RND3: variants seen among roughly 807,000 people sequenced by gnomAD.
The protein encoded by RND3 is rho-related GTP-binding protein RhoE.
Under a neutral mutation model 26.5 loss-of-function variants are expected in RND3, and 8 were observed. The ratio of observed to expected loss-of-function variants is 0.30; its 90% CI spans 0.18 to 0.54. The LOEUF is 0.54. RND3 is among the 20% of genes least tolerant of loss of function. RND3 has a pLI of 0.94. For synonymous variants in RND3, 113 were observed against 113.0 expected, an observed-to-expected ratio of 1.00 and a Z score of 0.00; for missense variants, 207 against 302.8, an observed-to-expected ratio of 0.68 and a Z score of 2.35.
intron 4 of RND3, among the ~76,000 whole-genome samples, chr2:150,474,394 T>C (rs551668256): frequency 2.6e-5 from 4 of 152,332 alleles, no homozygotes; most frequent in Non-Finnish European, 4.4e-5. Flanking sequence ...ACAATTCACA[T>C]TGGACACATC....
intron 5 of RND3, among the ~76,000 whole-genome samples, chr2:150,471,375 C>T (rs1686086135): frequency 6.6e-6 from 1 of 152,186 alleles, no homozygotes; most frequent in South Asian, 2.1e-4. Flanking sequence ...ATTTTGACCA[C>T]ATTCTCTCTT....
intron 4 of RND3, among the ~76,000 whole-genome samples, chr2:150,473,938 T>C (rs1320897552): frequency 6.6e-6 from 1 of 152,206 alleles, no homozygotes; most frequent in Non-Finnish European, 1.5e-5. Flanking sequence ...ACTGCCTTGC[T>C]CTCAGCCACA....
Position 150,468,304 on chromosome 2 carries a change from A to T in RND3, c.*1683T>A, listed in dbSNP as rs886820033. ...ACATACACAGTGACTTCAACAGTTT[A>T]AAAAATGCAACAAAAGTTCTGCTTT... On this transcript the variant is annotated 3_prime_UTR_variant, in exon 6 of 6. Coordinates refer to ENST00000263895, the MANE Select transcript of RND3 (RefSeq NM_005168.5). 6.6e-6 allele frequency: 1 copy of T among 152,650 alleles called. No individual in the cohort carries two copies. Among genetic ancestry groups the T allele is most frequent in the African/African-American group, 2.4e-5 (1 of 41,458 alleles). 9.5% of individuals were successfully genotyped at this position (152,650 alleles called of 1,614,324 possible). A position where few individuals can be genotyped will look rare whatever the true frequency, so the allele number is the denominator to read the frequency against.
intron 3 of RND3, among the ~76,000 whole-genome samples, chr2:150,484,219 TA>T: frequency 6.6e-6 from 1 of 152,220 alleles, no homozygotes; most frequent in East Asian, 1.9e-4. Flanking sequence ...GGCATTGTGC[TA>T]TGTGTGCAGA....
intron 3 of RND3, among the ~76,000 whole-genome samples, chr2:150,481,208 G>C (rs982888605): frequency 6.6e-6 from 1 of 152,194 alleles, no homozygotes; most frequent in Admixed American, 6.5e-5. Flanking sequence ...ATGAGTTAGG[G>C]AGCCTGGGCT....
chr2:150,486,779 A>C lies in RND3; in HGVS notation c.153T>G (p.Asn51Lys), dbSNP rs1251228402. The part of the protein sequence containing the change: ...HVFAKDCFPE[N>K]YVPTVFENYT... Reference sequence around the variant, plus strand: ...AATTCTCAAACACTGTAGGAACGTAATTCTGGATAGACAAAATGGGCAAAA... The same window carrying C: ...AATTCTCAAACACTGTAGGAACGTACTTCTGGATAGACAAAATGGGCAAAA... The change falls in exon 3 of 6, where the codon AAT becomes AAG. Residue 51 changes from asparagine (N) to lysine (K), a missense_variant and splice_region_variant. Coordinates refer to ENST00000263895, the MANE Select transcript of RND3 (RefSeq NM_005168.5). The surrounding 1 kb of genome is among the most constrained non-coding windows in gnomAD (Gnocchi z 4.5). 1 of 1,609,866 alleles carries C rather than the reference A, an allele frequency of 6.2e-7. No individual in the cohort carries two copies.
rs1302952449 is a variant in RND3, at chr2:150,469,882, T to TG, written c.*104dup. 9.0e-6 allele frequency: 12 copies of TG among 1,333,506 alleles called. No homozygotes were observed. The highest frequency in any genetic ancestry group is 1.2e-5 in the Non-Finnish European group (12 of 967,706). The allele number at this position is 1,333,506 out of a possible 1,614,324, so 82.6% of individuals were successfully genotyped here. On this transcript the variant is annotated 3_prime_UTR_variant, in exon 6 of 6. Transcript: ENST00000263895. ...TCCTCTCAAACGCCTCCTAAGCCTC[T>TG]GGTATACATGACTTTGGCTGTGCAC...
Position 150,470,240 on chromosome 2 carries a change from T to A in RND3, c.484-2A>T. 1 of 1,610,844 alleles carries A rather than the reference T, an allele frequency of 6.2e-7. No homozygotes were observed. The highest frequency in any genetic ancestry group is 8.5e-7 in the Non-Finnish European group (1 of 1,177,836). Reference sequence around the variant, plus strand: ...AATCTGTTTGGCCATATTTGCCCCCTGAGAAGCAAAAGAAGGGATTTTAAC... The same window carrying A: ...AATCTGTTTGGCCATATTTGCCCCCAGAGAAGCAAAAGAAGGGATTTTAAC... On this transcript the variant is annotated splice_acceptor_variant, in intron 5 of 5. Transcript: ENST00000263895. LOFTEE classifies it high-confidence loss of function.
At position 150,469,960 on chromosome 2, in the gene RND3, T is replaced by C. The variant is rs1479579928; in HGVS notation, c.*27A>G. 7.5e-6 allele frequency: 12 copies of C among 1,610,076 alleles called. No homozygotes were observed. The highest frequency in any genetic ancestry group is 1.0e-5 in the Non-Finnish European group (12 of 1,177,350). On this transcript the variant is annotated 3_prime_UTR_variant, in exon 6 of 6. Transcript: ENST00000263895. The stretch of plus-strand genomic sequence containing the variant: ...CTGTTGTTTTTTACACTAGATTCCT[T>C]TGTCTTCATTAAAGATAATGAAAGA...
chr2:150,476,490 C>T (rs1442069792), intron 3 of RND3, among the ~76,000 whole-genome samples: 2 of 152,240 alleles, frequency 1.3e-5, no homozygotes, highest in Admixed American at 6.5e-5. Context: ...CTTCAAGCCA[C>T]GTGTGTCTGC....
Position 150,486,564 on chromosome 2 carries a change from C to T in RND3, c.238+130G>A. 1.3e-6 allele frequency: 1 copy of T among 765,224 alleles called. No individual in the cohort carries two copies. The highest frequency in any genetic ancestry group is 1.4e-5 in the South Asian group (1 of 70,154). The allele number at this position is 765,224 out of a possible 1,614,324, so 47.4% of individuals were successfully genotyped here. On this transcript the variant is annotated intron_variant, in intron 3 of 5. Coordinates refer to ENST00000263895, the MANE Select transcript of RND3 (RefSeq NM_005168.5). The surrounding 1 kb of genome is among the most constrained non-coding windows in gnomAD (Gnocchi z 4.5). Reference sequence around the variant, plus strand: ...ACCCAGAAGGGATACAATTTTCGCCCAACAGGGACCGTGGGAATCCCTTGG... The same window carrying T: ...ACCCAGAAGGGATACAATTTTCGCCTAACAGGGACCGTGGGAATCCCTTGG...
intron 3 of RND3, among the ~76,000 whole-genome samples, chr2:150,481,459 TC>T (rs1686268455): frequency 6.6e-6 from 1 of 152,188 alleles, no homozygotes; most frequent in African/African-American, 2.4e-5. Context: ...TGACACTTAA[TC>T]CGGGCTTCTC....
At chr2:150,475,442 A>C (rs1226860595) in intron 3 of RND3, among the ~76,000 whole-genome samples, 2 of 152,198 alleles carry the variant, frequency 1.3e-5, no homozygotes, top group Non-Finnish European at 2.9e-5. Context: ...CCTGGCTTTT[A>C]GTAAGGGATC....
chr2:150,472,762 G>T (rs1686106379), intron 4 of RND3, among the ~76,000 whole-genome samples: 1 of 152,120 alleles, frequency 6.6e-6, no homozygotes, highest in Admixed American at 6.5e-5. Flanking sequence ...ACATAGCTGT[G>T]TCTTCTGGAA....
In RND3 at chr2:150,470,730, CA is replaced by C. The variant is rs1357590199; in HGVS notation, c.484-493del. On this transcript the variant is annotated intron_variant, in intron 5 of 5. Coordinates refer to ENST00000263895, the MANE Select transcript of RND3 (RefSeq NM_005168.5). ...CTGAAGGTCATGAACATAAACTCTGCATTTTCCACACAGCTCTGGCCGTGGC... is the reference window on the plus strand; with the variant it reads ...CTGAAGGTCATGAACATAAACTCTGCTTTTCCACACAGCTCTGGCCGTGGC... 2.0e-5 allele frequency among the ~76,000 whole-genome samples: 3 copies of C among 152,300 alleles called. No individual in the cohort carries two copies. In the East Asian group the frequency reaches 5.8e-4, roughly 29 times the overall value.
At chr2:150,478,349 A>G (rs1384159571) in intron 3 of RND3, among the ~76,000 whole-genome samples, 1 of 152,034 alleles carries the variant, frequency 6.6e-6, no homozygotes, top group Non-Finnish European at 1.5e-5. Flanking sequence ...TAAGGCAAGC[A>G]AAGCTGGAGA....
At position 150,468,348 on chromosome 2, in the gene RND3, T is replaced by C. The variant is rs1686025329; in HGVS notation, c.*1639A>G. ...CTGCTTTATAACAGTTATAACTTAT[T>C]TTCTTTTTACAATATTTAAATACAG... is the stretch of plus-strand genomic sequence containing the variant. On this transcript the variant is annotated 3_prime_UTR_variant, in exon 6 of 6. Transcript: ENST00000263895. 6.6e-6 allele frequency: 1 copy of C among 152,648 alleles called. No individual in the cohort carries two copies. Among genetic ancestry groups the C allele is most frequent in the African/African-American group, 2.4e-5 (1 of 41,466 alleles). The allele number at this position is 152,648 out of a possible 1,614,324, so 9.5% of individuals were successfully genotyped here. A position where few individuals can be genotyped will look rare whatever the true frequency, so the allele number is the denominator to read the frequency against.
intron 3 of RND3, among the ~76,000 whole-genome samples, chr2:150,485,941 G>A (rs1262786522): frequency 6.6e-6 from 1 of 152,040 alleles, no homozygotes; most frequent in Non-Finnish European, 1.5e-5. Flanking sequence ...GAATAGTGTT[G>A]CCCGCGGCCT....
chr2:150,486,980 A>C lies in RND3; in HGVS notation c.151-199T>G, dbSNP rs1686382881. 1 of 621,804 alleles carries C rather than the reference A, an allele frequency of 1.6e-6. No individual in the cohort carries two copies. Among genetic ancestry groups the C allele is most frequent in the Non-Finnish European group, 2.9e-6 (1 of 347,594 alleles). The allele number at this position is 621,804 out of a possible 1,614,324, so 38.5% of individuals were successfully genotyped here. A position where few individuals can be genotyped will look rare whatever the true frequency, so the allele number is the denominator to read the frequency against. ...TCCCCACTCACCCCACCCGGCTCTC[A>C]CAGATCTGCTGACCCGAATCTCCCA... On this transcript the variant is annotated intron_variant, in intron 2 of 5. Transcript: ENST00000263895. This position sits in a 1 kb window ranked among gnomAD's most constrained non-coding sequence, Gnocchi z 4.5.
Sources: gnomAD v4.1 joint callset for allele counts (sites outside exome capture counted in the v4.1 genomes callset) on GRCh38, gnomAD v4.1.1 for gene constraint, Gnocchi (gnomAD v3.1) non-coding constraint, MANE v1.5 for transcripts, NCBI Gene and HGNC (gene_info 2026-07-23, HGNC 2026-07-21) for gene names.